Variants in AGBL1 observed in about 807,000 individuals in gnomAD.
The protein encoded by AGBL1 is AGBL carboxypeptidase 1.
A neutral mutation model predicts 118.9 loss-of-function variants in AGBL1; 130 were observed. That is an observed-to-expected ratio of 1.09 (90% CI 0.95 to 1.26). The LOEUF is 1.26. Among genes scored for constraint, AGBL1 ranks in the 50% most tolerant of loss-of-function variants. The pLI is 0.00. For missense variants in AGBL1, 1,584 were observed against 1,298.1 expected, an observed-to-expected ratio of 1.22 and a Z score of -3.38; for synonymous variants, 555 against 478.9, an observed-to-expected ratio of 1.16 and a Z score of -2.08.
rs1437004824 is a variant in AGBL1, at chr15:86,602,189, CACTA to C, written c.2994+47655_2994+47658del. 2.0e-5 allele frequency among the ~76,000 whole-genome samples: 3 copies of C among 152,104 alleles called. No individual in the cohort carries two copies. In the East Asian group the frequency reaches 5.8e-4, roughly 29 times the overall value. On this transcript the variant is annotated intron_variant, in intron 21 of 22. Coordinates refer to ENST00000614907, the MANE Select transcript of AGBL1 (RefSeq NM_001386094.1). Reference sequence around the variant, plus strand: ...CCTTTGCCAGAGAAAATCTAATCCTCACTAACAATGAGTCTGAGTTTTAGATTCT... The same window carrying C: ...CCTTTGCCAGAGAAAATCTAATCCTCACAATGAGTCTGAGTTTTAGATTCT...
At chr15:87,012,338 G>T (rs548811825) in intron 24 of AGBL1, among the ~76,000 whole-genome samples, 4,364 of 132,370 alleles carry the variant, frequency 0.033, 89 homozygotes, top group Middle Eastern at 0.062. Context: ...CATATTTTTG[G>T]GGGGGTACTT....
At chr15:86,327,452 TC>T (rs1284497281) in intron 17 of AGBL1, among the ~76,000 whole-genome samples, 1 of 152,226 alleles carries the variant, frequency 6.6e-6, no homozygotes, top group Non-Finnish European at 1.5e-5. Context: ...TAAAATGTAT[TC>T]TTTGGATGTA....
intron 22 of AGBL1, among the ~76,000 whole-genome samples, chr15:86,893,733 G>T (rs564375100): frequency 1.4e-4 from 21 of 152,102 alleles, no homozygotes; most frequent in Non-Finnish European, 2.8e-4. Context: ...TTCATACTTT[G>T]TCTCCAAACT....
At chr15:86,727,463 C>T (rs1039828233) in intron 22 of AGBL1, among the ~76,000 whole-genome samples, 4 of 152,072 alleles carry the variant, frequency 2.6e-5, no homozygotes, top group African/African-American at 9.7e-5. Flanking sequence ...ATGGCCCTGA[C>T]ACTGGACTAT....
intron 19 of AGBL1, among the ~76,000 whole-genome samples, chr15:86,530,383 G>A (rs943670255): frequency 2.9e-5 from 4 of 137,258 alleles, no homozygotes; most frequent in African/African-American, 1.3e-4. Flanking sequence ...TAATGGTAAA[G>A]GGATCAATTC....
At chr15:86,566,978 G>T (rs547664711) in intron 21 of AGBL1, among the ~76,000 whole-genome samples, 1 of 152,040 alleles carries the variant, frequency 6.6e-6, no homozygotes, top group Non-Finnish European at 1.5e-5. Context: ...CCTACTTCAT[G>T]GAGATGCTAT....
chr15:86,218,875 A>G (rs1449039249), intron 5 of AGBL1, among the ~76,000 whole-genome samples: 2 of 152,164 alleles, frequency 1.3e-5, no homozygotes, highest in Non-Finnish European at 2.9e-5. Context: ...CAAGATGAAG[A>G]CTCAGCCCTG....
chr15:86,768,031 G>C lies in AGBL1; in HGVS notation c.3158+93595G>C, dbSNP rs190929545. ...TTCTTAGATTGCTTTCATTTATACA[G>C]AAAGAACTCATCACTGCAAGGTGTC... On this transcript the variant is annotated intron_variant, in intron 22 of 22. Transcript: ENST00000614907. 8.6e-4 allele frequency among the ~76,000 whole-genome samples: 131 copies of C among 152,050 alleles called. 1 individual carries two copies. The highest frequency in any genetic ancestry group is 6.8e-3 in the Middle Eastern group (2 of 292).
chr15:86,527,106 C>G (rs946381523), intron 19 of AGBL1, among the ~76,000 whole-genome samples: 27 of 152,178 alleles, frequency 1.8e-4, no homozygotes, highest in African/African-American at 6.3e-4. Context: ...TGCAGTCTAC[C>G]CTCTGGAAGC....
At chr15:86,338,883 A>T (rs1315890624) in intron 17 of AGBL1, among the ~76,000 whole-genome samples, 1 of 152,100 alleles carries the variant, frequency 6.6e-6, no homozygotes, top group Non-Finnish European at 1.5e-5. Context: ...TTTCACCATT[A>T]TATGTCATGT....
At chr15:86,470,128 G>T (rs572199364) in intron 18 of AGBL1, among the ~76,000 whole-genome samples, 1 of 152,038 alleles carries the variant, frequency 6.6e-6, no homozygotes, top group Non-Finnish European at 1.5e-5. Context: ...TTTAGAGATC[G>T]TAGCCAAGCA....
intron 21 of AGBL1, among the ~76,000 whole-genome samples, chr15:86,561,893 G>A (rs2083827402): frequency 6.6e-6 from 1 of 152,016 alleles, no homozygotes; most frequent in South Asian, 2.1e-4. Context: ...TGGATTCCTA[G>A]GTATTTTATT....
At chr15:86,291,023 T>A (rs1343415109) in intron 16 of AGBL1, among the ~76,000 whole-genome samples, 1 of 152,216 alleles carries the variant, frequency 6.6e-6, no homozygotes, top group Non-Finnish European at 1.5e-5. Flanking sequence ...CATGAACTCA[T>A]CATTTTTTAT....
chr15:86,685,343 A>C (rs2086034448), intron 22 of AGBL1, among the ~76,000 whole-genome samples: 1 of 152,160 alleles, frequency 6.6e-6, no homozygotes. Context: ...TCATAGACTT[A>C]CTGATTCTAT....
At chr15:86,953,161 G>A (rs2080896680) in intron 23 of AGBL1, among the ~76,000 whole-genome samples, 1 of 152,024 alleles carries the variant, frequency 6.6e-6, no homozygotes, top group African/African-American at 2.4e-5. Context: ...CTCTTTTTTG[G>A]TTGCATGTAA....
At chr15:86,809,957 T>C (rs150771694) in intron 22 of AGBL1, among the ~76,000 whole-genome samples, 4 of 152,248 alleles carry the variant, frequency 2.6e-5, no homozygotes, top group African/African-American at 9.6e-5. Flanking sequence ...TAATTACCTC[T>C]AACACAAAAT....
intron 24 of AGBL1, among the ~76,000 whole-genome samples, chr15:86,992,788 C>T (rs576556304): frequency 1.6e-4 from 24 of 151,322 alleles, no homozygotes; most frequent in South Asian, 8.4e-4. Flanking sequence ...AATGCCTAAA[C>T]GGCTAAATAT....
At chr15:86,293,822 T>C (rs74025094) in intron 16 of AGBL1, among the ~76,000 whole-genome samples, 5,916 of 152,294 alleles carry the variant, frequency 0.039, 377 homozygotes, top group African/African-American at 0.13. Context: ...TTTGTTTCAT[T>C]TACCCAGCAG....
At chr15:86,391,237 A>T (rs2081279563) in intron 17 of AGBL1, among the ~76,000 whole-genome samples, 1 of 152,182 alleles carries the variant, frequency 6.6e-6, no homozygotes, top group Non-Finnish European at 1.5e-5. Flanking sequence ...TAAAACTAAT[A>T]AAAAAGATAG....
Sources: allele counts gnomAD v4.1 joint callset (sites outside exome capture counted in the v4.1 genomes callset), GRCh38; gene constraint gnomAD v4.1.1; transcripts MANE v1.5; gene names NCBI Gene and HGNC (gene_info 2026-07-23, HGNC 2026-07-21).